The following IRAK1BP1 variants were observed in gnomAD, a reference collection of about 807,000 sequenced individuals.
IRAK1BP1 encodes interleukin 1 receptor associated kinase 1 binding protein 1, also known as interleukin-1 receptor-associated kinase 1-binding protein 1.
IRAK1BP1 carries 24 observed loss-of-function variants against 28.0 expected under a neutral mutation model. The observed-to-expected ratio is 0.86, with a 90% CI of 0.62 to 1.20. The LOEUF (loss-of-function observed/expected upper bound fraction) is 1.20. Ranked by LOEUF, IRAK1BP1 falls within the 50% of genes most tolerant of loss-of-function variation. The pLI, the probability that IRAK1BP1 is intolerant of heterozygous loss-of-function variation, is 0.00. For synonymous variants in IRAK1BP1, 131 were observed against 116.3 expected (o/e 1.13, Z -0.81); for missense variants, 336 against 316.7 (o/e 1.06, Z -0.46).
downstream of IRAK1BP1, among the ~76,000 whole-genome samples, chr6:78,903,691 G>A (rs571858916): frequency 2.1e-4 from 31 of 150,842 alleles, no homozygotes; most frequent in African/African-American, 7.3e-4. Flanking sequence ...ATGCCATGTC[G>A]CTTACCATGT....
the IRAK1BP1 span, among the ~76,000 whole-genome samples, chr6:78,976,265 G>A: frequency 2.7e-5 from 4 of 149,376 alleles, no homozygotes; most frequent in Non-Finnish European, 4.5e-5. Context: ...AGAAAAACAA[G>A]CAATGGGAAA....
downstream of IRAK1BP1, among the ~76,000 whole-genome samples, chr6:78,907,428 C>T (rs188246491): frequency 6.6e-5 from 10 of 152,158 alleles, no homozygotes; most frequent in Non-Finnish European, 1.5e-4. Flanking sequence ...TTTGTGTGTC[C>T]AGATAAAAGC....
chr6:78,970,079 C>G, the IRAK1BP1 span: 1 of 1,613,596 alleles, frequency 6.2e-7, no homozygotes, highest in Non-Finnish European at 8.5e-7. Flanking sequence ...AGTCAGTTTA[C>G]CAGTATCAGG....
chr6:78,943,107 T>C (rs886081931), intron 4 of IRAK1BP1, among the ~76,000 whole-genome samples: 1 of 152,134 alleles, frequency 6.6e-6, no homozygotes, highest in Non-Finnish European at 1.5e-5. Flanking sequence ...TTGGATATAA[T>C]GGGATAAATA....
At position 78,867,739 on chromosome 6, in the gene IRAK1BP1, G is replaced by C; in HGVS notation, c.163G>C (p.Val55Leu). 1 of 1,614,266 alleles carries C rather than the reference G, an allele frequency of 6.2e-7. No homozygotes were observed. The highest frequency in any genetic ancestry group is 8.5e-7 in the Non-Finnish European group (1 of 1,180,050). ...CCAAACTGCTACCCGCGAGGTGCAA[G>C]TAAGCGGCACCTCAGAAGTGTCTGC... The part of the protein sequence containing the change: ...QAQTATREVQ[V>L]SGTSEVSAGP... Residue 55 changes from valine (V) to leucine (L), a missense_variant, in exon 1 of 4, where the codon GTA becomes CTA. Transcript: ENST00000369940.
rs146319639 is a variant in IRAK1BP1, at chr6:78,898,128, G to T, written c.577G>T (p.Val193Phe). ...CAAAGCTCAAGAAGTCTGTAACCTT[G>T]TTGGCCAAACCTTAGGAAAACCTTT... The part of the protein sequence containing the change: ...WRKAQEVCNL[V>F]GQTLGKPLLI... The change falls in exon 4 of 4, where the codon GTT (valine) becomes TTT (phenylalanine). Residue 193 changes from valine (V) to phenylalanine (F), a missense_variant. Physicochemically the swap from Val to Phe is conservative, Grantham distance 50. Transcript: ENST00000369940. 25 of 1,613,730 alleles carry T rather than the reference G, an allele frequency of 1.5e-5. No individual in the cohort carries two copies. The highest frequency in any genetic ancestry group is 1.8e-5 in the Non-Finnish European group (21 of 1,179,942).
the IRAK1BP1 span, among the ~76,000 whole-genome samples, chr6:78,960,678 C>T: frequency 6.6e-6 from 1 of 151,968 alleles, no homozygotes; most frequent in African/African-American, 2.4e-5. Flanking sequence ...CAGTGGTTCT[C>T]AATCAAGGAC....
chr6:78,886,571 C>T (rs183318645), intron 2 of IRAK1BP1, among the ~76,000 whole-genome samples: 56 of 152,220 alleles, frequency 3.7e-4, no homozygotes, highest in Non-Finnish European at 6.2e-4. Context: ...TAGCACTCCT[C>T]CAGTAATTAT....
At chr6:78,910,990 G>T (rs7758407) in intron 4 of IRAK1BP1, among the ~76,000 whole-genome samples, 1 of 152,204 alleles carries the variant, frequency 6.6e-6, no homozygotes, top group Non-Finnish European at 1.5e-5. Flanking sequence ...GCTTTATCTT[G>T]TGCGGTGACG....
At chr6:78,955,354 C>T in the IRAK1BP1 span, 1 of 1,078,534 alleles carries the variant, frequency 9.3e-7, no homozygotes, top group Non-Finnish European at 1.4e-6. Context: ...GATTAACTAG[C>T]AATTATTTCC....
chr6:78,967,374 T>G, the IRAK1BP1 span, among the ~76,000 whole-genome samples: 1 of 152,164 alleles, frequency 6.6e-6, no homozygotes, highest in African/African-American at 2.4e-5. Context: ...GAGCTGTATC[T>G]TATGACCCTA....
At chr6:78,930,181 A>C (rs1773006178) in intron 4 of IRAK1BP1, among the ~76,000 whole-genome samples, 1 of 152,130 alleles carries the variant, frequency 6.6e-6, no homozygotes, top group South Asian at 2.1e-4. Context: ...GGCCTCCCAG[A>C]GTGCTGAGAT....
the IRAK1BP1 span, among the ~76,000 whole-genome samples, chr6:78,960,108 A>G: frequency 6.6e-6 from 1 of 152,190 alleles, no homozygotes; most frequent in Non-Finnish European, 1.5e-5. Flanking sequence ...CCAGAAAAAG[A>G]TGAAAATTCA....
chr6:78,907,283 A>C (rs1334679964), downstream of IRAK1BP1, among the ~76,000 whole-genome samples: 2 of 152,218 alleles, frequency 1.3e-5, no homozygotes, highest in Non-Finnish European at 2.9e-5. Context: ...AACTAATTAG[A>C]AACATTACCA....
intron 4 of IRAK1BP1, chr6:78,937,432 T>G (rs1246428057): frequency 2.0e-5 from 3 of 151,730 alleles, no homozygotes; most frequent in African/African-American, 7.2e-5. Flanking sequence ...GCACTGCAGA[T>G]GAGGGACAGT....
At position 78,898,411 on chromosome 6, in the gene IRAK1BP1, A is replaced by AATATTTATATATAT. The variant is rs1771976023; in HGVS notation, c.*81_*82insTTATATATATATAT. The AATATTTATATATAT allele has an allele frequency of 1.2e-5, 1 of 86,344 alleles. No individual in the cohort carries two copies. The highest frequency in any genetic ancestry group is 6.5e-5 in the African/African-American group (1 of 15,430). 5.3% of individuals were successfully genotyped at this position (86,344 alleles called of 1,614,324 possible). A position where few individuals can be genotyped will look rare whatever the true frequency, so the allele number is the denominator to read the frequency against. ...TTTTATAATGTTTACGTTTGTCCTGAATATATATATATATATATATATATA... is the reference window on the plus strand; with the variant it reads ...TTTTATAATGTTTACGTTTGTCCTGAATATTTATATATATATATATATATATATATATATATATA... On this transcript the variant is annotated 3_prime_UTR_variant, in exon 4 of 4. Transcript: ENST00000369940.
intron 1 of IRAK1BP1, among the ~76,000 whole-genome samples, chr6:78,884,037 G>T (rs181016022): frequency 7.4e-4 from 113 of 152,226 alleles, no homozygotes; most frequent in Non-Finnish European, 8.7e-4. Flanking sequence ...GAGAACTACC[G>T]TACTGTTTTG....
chr6:78,900,571 A>G lies in IRAK1BP1; in HGVS notation c.*2237A>G, dbSNP rs1772060256. On this transcript the variant is annotated 3_prime_UTR_variant, in exon 4 of 4. Coordinates refer to ENST00000369940, the MANE Select transcript of IRAK1BP1 (RefSeq NM_001010844.4). Reference sequence around the variant, plus strand: ...TACTACTGGAATGTAAGCTCCTTGAAAGTGGAGATCTTGTCTGTCTTGTTC... The same window carrying G: ...TACTACTGGAATGTAAGCTCCTTGAGAGTGGAGATCTTGTCTGTCTTGTTC... 6.6e-6 allele frequency: 1 copy of G among 152,160 alleles called. No individual in the cohort carries two copies. The highest frequency in any genetic ancestry group is 1.5e-5 in the Non-Finnish European group (1 of 68,024). 9.4% of individuals were successfully genotyped at this position (152,160 alleles called of 1,614,324 possible). A position where few individuals can be genotyped will look rare whatever the true frequency, so the allele number is the denominator to read the frequency against.
chr6:78,941,665 A>G (rs1177983496), intron 4 of IRAK1BP1, among the ~76,000 whole-genome samples: 1 of 152,116 alleles, frequency 6.6e-6, no homozygotes, highest in Non-Finnish European at 1.5e-5. Context: ...TTGGTCAAAA[A>G]CTTTGTTCTT....
Sources: gnomAD v4.1 joint callset for allele counts (sites outside exome capture counted in the v4.1 genomes callset) on GRCh38, gnomAD v4.1.1 for gene constraint, MANE v1.5 for transcripts, NCBI Gene and HGNC (gene_info 2026-07-23, HGNC 2026-07-21) for gene names.